ZSCAN30: variants seen among roughly 807,000 people sequenced by gnomAD.
ZSCAN30 encodes the protein zinc finger and SCAN domain-containing protein 30.
Under a neutral mutation model 44.3 loss-of-function variants are expected in ZSCAN30, and 37 were observed. The ratio of observed to expected loss-of-function variants is 0.84; its 90% CI spans 0.64 to 1.10. ZSCAN30 has a LOEUF of 1.10. Ranked by LOEUF, ZSCAN30 falls within the 50% of genes least tolerant of loss-of-function variation. The pLI is 0.00. For missense variants in ZSCAN30, 549 were observed against 582.6 expected (o/e 0.94, Z 0.59); for synonymous variants, 181 against 204.6 (o/e 0.88, Z 0.98).
Position 35,272,371 on chromosome 18 carries a change from G to A in ZSCAN30, c.-103-7916C>T, listed in dbSNP as rs1180660083. Among the ~76,000 whole-genome samples the A allele has an allele frequency of 4.1e-5, 5 of 122,962 alleles. No homozygotes were observed. The East Asian group carries it at 1.2e-3, about 29-fold the overall frequency. The allele number at this position is 122,962 out of a possible 152,430, so 80.7% of individuals were successfully genotyped here. A position where few individuals can be genotyped will look rare whatever the true frequency, so the allele number is the denominator to read the frequency against. ...GAAAGTTTTTTTTTTTTTTTTAGAT[G>A]GAGTCTCGCTCTGTGGACCAGGCTG... On this transcript the variant is annotated intron_variant, in intron 1 of 3. Transcript: ENST00000333206.
At chr18:35,274,500 A>G (rs966023169) in intron 1 of ZSCAN30, among the ~76,000 whole-genome samples, 5 of 152,190 alleles carry the variant, frequency 3.3e-5, no homozygotes, top group African/African-American at 7.2e-5. Flanking sequence ...CTGGTTTACT[A>G]CAAGTTCACC....
intron 1 of ZSCAN30, chr18:35,269,544 T>C (rs2044229308): frequency 6.6e-6 from 1 of 151,966 alleles, no homozygotes; most frequent in Admixed American, 6.6e-5. Flanking sequence ...TCTTAAGTCC[T>C]TTTATCCCTA....
chr18:35,260,681 C>T (rs993109451), intron 3 of ZSCAN30: 4 of 152,168 alleles, frequency 2.6e-5, no homozygotes, highest in African/African-American at 9.6e-5. Flanking sequence ...CTGTTCATGT[C>T]CTTTGCCCAC....
Position 35,254,003 on chromosome 18 carries a change from C to G in ZSCAN30, c.932G>C (p.Cys311Ser). 1 of 1,614,204 alleles carries G rather than the reference C, an allele frequency of 6.2e-7. No individual in the cohort carries two copies. The highest frequency in any genetic ancestry group is 8.5e-7 in the Non-Finnish European group (1 of 1,180,018). Residue 311 changes from cysteine (C) to serine (S), a missense_variant, in exon 4 of 4, where the codon TGC becomes TCC. By Grantham distance (112) the Cys-to-Ser change is moderately radical (BLOSUM62 -1). Coordinates refer to ENST00000333206, the MANE Select transcript of ZSCAN30 (RefSeq NM_001112734.4). The stretch of plus-strand genomic sequence containing the variant: ...ATGTCTAATCAGCTTTGAGCTCTGG[C>G]AAAAGGCCTTCCCACAGTCAAAGCA... ...YECFDCGKAF[C>S]QSSKLIRHQR...
chr18:35,276,943 G>A (rs2044377059), intron 1 of ZSCAN30, among the ~76,000 whole-genome samples: 1 of 152,218 alleles, frequency 6.6e-6, no homozygotes, highest in African/African-American at 2.4e-5. Flanking sequence ...CAGGAGGGGT[G>A]CTGTACCCTG....
At chr18:35,276,769 G>A (rs1404612624) in intron 1 of ZSCAN30, among the ~76,000 whole-genome samples, 9 of 152,234 alleles carry the variant, frequency 5.9e-5, no homozygotes, top group Admixed American at 5.9e-4. Flanking sequence ...GAAGGGAAAT[G>A]TGGGGATGGA....
rs1421606859 is a variant in ZSCAN30, at chr18:35,252,097, G to A, written c.*1353C>T. 6.6e-6 allele frequency: 1 copy of A among 152,166 alleles called. No individual in the cohort carries two copies. Among genetic ancestry groups the A allele is most frequent in the Non-Finnish European group, 1.5e-5 (1 of 68,048 alleles). 9.4% of individuals were successfully genotyped at this position (152,166 alleles called of 1,614,324 possible). On this transcript the variant is annotated 3_prime_UTR_variant, in exon 4 of 4. Transcript: ENST00000333206. ...ATCATCAGGACTCTTCTCTCCAGCA[G>A]GAATTAGTTGTCATAAAGCCTGGCT... is the stretch of plus-strand genomic sequence containing the variant.
Position 35,257,866 on chromosome 18 carries a change from T to G in ZSCAN30, c.554-3485A>C. The G allele has an allele frequency of 3.8e-6, 3 of 780,974 alleles. No homozygotes were observed. The South Asian group carries it at 4.0e-5, about 10-fold the overall frequency. 48.4% of individuals were successfully genotyped at this position (780,974 alleles called of 1,614,324 possible). A position where few individuals can be genotyped will look rare whatever the true frequency, so the allele number is the denominator to read the frequency against. ...GATTAGACCAAGCCTAGACTGTAAC[T>G]GAGACCACATCATTGCTTGCTCTTT... On this transcript the variant is annotated intron_variant, in intron 3 of 3. Coordinates refer to ENST00000333206, the MANE Select transcript of ZSCAN30 (RefSeq NM_001112734.4).
At chr18:35,261,149 A>G (rs1272108731) in intron 3 of ZSCAN30, 2 of 152,208 alleles carry the variant, frequency 1.3e-5, no homozygotes, top group African/African-American at 4.8e-5. Context: ...TTTGTCAAAT[A>G]TCAAGTGGTT....
Position 35,263,452 on chromosome 18 carries a change from C to T in ZSCAN30, c.553+61G>A, listed in dbSNP as rs764010110. On this transcript the variant is annotated intron_variant, in intron 3 of 3. Transcript: ENST00000333206. ...AGTGGCTGTCGTTAAGAAAATGAACCGTGCCACAGTTGATAGCTCTCACCT... is the reference window on the plus strand; with the variant it reads ...AGTGGCTGTCGTTAAGAAAATGAACTGTGCCACAGTTGATAGCTCTCACCT... 8.2e-6 allele frequency: 13 copies of T among 1,589,822 alleles called. No homozygotes were observed. In the Middle Eastern group the frequency reaches 7.7e-4, roughly 94 times the overall value.
At chr18:35,283,901 C>A (rs1228342398) in intron 1 of ZSCAN30, 2 of 152,326 alleles carry the variant, frequency 1.3e-5, no homozygotes, top group Non-Finnish European at 2.9e-5. Context: ...GTCCTGCATC[C>A]AGATAGAATG....
Position 35,253,941 on chromosome 18 carries a change from T to C in ZSCAN30, c.994A>G (p.Lys332Glu), listed in dbSNP as rs867999879. 1 of 1,614,200 alleles carries C rather than the reference T, an allele frequency of 6.2e-7. No homozygotes were observed. The highest frequency in any genetic ancestry group is 8.5e-7 in the Non-Finnish European group (1 of 1,180,034). Residue 332 changes from lysine to glutamate, a missense_variant, in exon 4 of 4, where the codon AAA becomes GAA. Lys to Glu is a moderately conservative substitution (Grantham distance 56). Transcript: ENST00000333206. Reference sequence around the variant, plus strand: ...AAACTGAAGGCTTTGCCACATTCTTTACATGCATAAGGTCTCTCTCCAGTA... The same window carrying C: ...AAACTGAAGGCTTTGCCACATTCTTCACATGCATAAGGTCTCTCTCCAGTA... ...IHTGERPYACKECGKAFSLSS... is the reference protein window; with the variant it reads ...IHTGERPYACEECGKAFSLSS...
intron 1 of ZSCAN30, among the ~76,000 whole-genome samples, chr18:35,265,530 G>C (rs1457575647): frequency 2.6e-5 from 4 of 152,152 alleles, no homozygotes; most frequent in Non-Finnish European, 5.9e-5. Flanking sequence ...TTACAGAATG[G>C]GTTGATGCCC....
chr18:35,261,628 G>A (rs938139099), intron 3 of ZSCAN30: 6 of 108,632 alleles, frequency 5.5e-5, no homozygotes, highest in Non-Finnish European at 9.3e-5. Context: ...GTGAATGGGA[G>A]TTAATCATGT....
chr18:35,272,756 G>A (rs185274313), intron 1 of ZSCAN30, among the ~76,000 whole-genome samples: 19 of 152,304 alleles, frequency 1.2e-4, no homozygotes, highest in Admixed American at 3.3e-4. Context: ...TGATAAAGAC[G>A]TGCCCAAAAC....
At chr18:35,266,630 A>T (rs1362607061) in intron 1 of ZSCAN30, 1 of 150,206 alleles carries the variant, frequency 6.7e-6, no homozygotes. Flanking sequence ...ATATCTAAAC[A>T]CAAGAACCCT....
intron 1 of ZSCAN30, chr18:35,282,099 T>A (rs1368551273): frequency 1.3e-5 from 2 of 152,212 alleles, no homozygotes; most frequent in African/African-American, 4.8e-5. Flanking sequence ...TGGTGGGCAA[T>A]GATATACACC....
chr18:35,257,210 G>A (rs1284283063), intron 3 of ZSCAN30: 1 of 152,260 alleles, frequency 6.6e-6, no homozygotes, highest in Non-Finnish European at 1.5e-5. Flanking sequence ...CTAGGGATGT[G>A]GCCTTCAATT....
At chr18:35,276,623 GAC>G (rs1417217653) in intron 1 of ZSCAN30, among the ~76,000 whole-genome samples, 6 of 152,224 alleles carry the variant, frequency 3.9e-5, no homozygotes, top group African/African-American at 1.4e-4. Flanking sequence ...TGAGCCTGTG[GAC>G]ACACAGAAGT....
Sources: allele counts gnomAD v4.1 joint callset (sites outside exome capture counted in the v4.1 genomes callset), GRCh38; gene constraint gnomAD v4.1.1; transcripts MANE v1.5; gene names NCBI Gene and HGNC (gene_info 2026-07-23, HGNC 2026-07-21).